The following ST7 variants were observed in gnomAD, a reference collection of about 807,000 sequenced individuals.
ST7 encodes the protein suppressor of tumorigenicity 7 protein.
Under a neutral mutation model 78.7 loss-of-function variants are expected in ST7, and 28 were observed. The ratio of observed to expected loss-of-function variants is 0.36; its 90% CI spans 0.26 to 0.49. ST7 has a LOEUF of 0.49. ST7 is among the 20% of genes least tolerant of loss of function. The pLI is 0.99. For missense variants in ST7, 418 were observed against 696.0 expected (o/e 0.60, Z 4.49); for synonymous variants, 247 against 249.6 (o/e 0.99, Z 0.10).
chr7:117,097,164 A>G (rs945314600), intron 1 of ST7, among the ~76,000 whole-genome samples: 2 of 152,164 alleles, frequency 1.3e-5, no homozygotes, highest in Non-Finnish European at 1.5e-5. Flanking sequence ...TAGGCAGTCA[A>G]CAGCAGGGCT....
intron 15 of ST7, among the ~76,000 whole-genome samples, chr7:117,224,451 A>G (rs957156739): frequency 6.6e-6 from 1 of 152,218 alleles, no homozygotes; most frequent in African/African-American, 2.4e-5. Flanking sequence ...CCAATCTCTG[A>G]GTAAAAGTAG....
At chr7:117,088,870 A>G (rs1405205778) in intron 1 of ST7, among the ~76,000 whole-genome samples, 1 of 152,182 alleles carries the variant, frequency 6.6e-6, no homozygotes, top group Non-Finnish European at 1.5e-5. Context: ...CTCTACAGTG[A>G]CACTGCACCT....
At chr7:117,199,513 T>G (rs144776100) in intron 12 of ST7, among the ~76,000 whole-genome samples, 117 of 152,286 alleles carry the variant, frequency 7.7e-4, no homozygotes, top group Middle Eastern at 3.4e-3. Context: ...TCTGCCCTAA[T>G]AGAATAACCA....
intron 1 of ST7, among the ~76,000 whole-genome samples, chr7:116,961,312 T>C (rs1371013471): frequency 6.6e-6 from 1 of 152,170 alleles, no homozygotes; most frequent in African/African-American, 2.4e-5. Flanking sequence ...ATTTTTTGGT[T>C]CCATATGAAT....
At chr7:116,956,682 C>T (rs1221787271) in intron 1 of ST7, 1 of 468,724 alleles carries the variant, frequency 2.1e-6, no homozygotes, top group African/African-American at 2.0e-5. Flanking sequence ...AATATCTTGA[C>T]CATCTGTGAC....
intron 1 of ST7, among the ~76,000 whole-genome samples, chr7:117,081,598 G>T (rs563686592): frequency 6.6e-6 from 1 of 152,214 alleles, no homozygotes; most frequent in East Asian, 1.9e-4. Context: ...CACCTGAAAT[G>T]AAACCAGTAC....
chr7:117,036,515 A>G (rs1447014536), intron 1 of ST7, among the ~76,000 whole-genome samples: 1 of 152,192 alleles, frequency 6.6e-6, no homozygotes, highest in Non-Finnish European at 1.5e-5. Flanking sequence ...GACAGTAGGA[A>G]TAAGCCTGGG....
At chr7:117,113,087 T>A (rs1348555267) in intron 2 of ST7, among the ~76,000 whole-genome samples, 1 of 152,208 alleles carries the variant, frequency 6.6e-6, no homozygotes, top group Non-Finnish European at 1.5e-5. Context: ...CATTTTGGCT[T>A]TTTCAGCTTG....
chr7:117,195,272 C>T (rs987604136), intron 12 of ST7, among the ~76,000 whole-genome samples: 4 of 152,088 alleles, frequency 2.6e-5, no homozygotes, highest in African/African-American at 9.7e-5. Flanking sequence ...AAAAGGTTAT[C>T]CTCCAACTTA....
At chr7:116,988,656 G>A (rs79165840) in intron 1 of ST7, among the ~76,000 whole-genome samples, 1,802 of 152,190 alleles carry the variant, frequency 0.012, 18 homozygotes, top group Non-Finnish European at 0.017. Context: ...TGAAATAATT[G>A]AAGGTAGTGA....
chr7:117,175,309 A>G (rs1188515674), intron 10 of ST7, among the ~76,000 whole-genome samples: 7 of 152,362 alleles, frequency 4.6e-5, no homozygotes, highest in Non-Finnish European at 8.8e-5. Flanking sequence ...CAAGCTTTGG[A>G]TTGCCTTTCA....
intron 1 of ST7, among the ~76,000 whole-genome samples, chr7:117,085,450 GC>G (rs1205298658): frequency 6.6e-6 from 1 of 152,144 alleles, no homozygotes; most frequent in East Asian, 1.9e-4. Flanking sequence ...GTAATGACAT[GC>G]CTCTCTGCTT....
At chr7:117,111,051 C>T (rs1802389798) in intron 2 of ST7, among the ~76,000 whole-genome samples, 1 of 152,174 alleles carries the variant, frequency 6.6e-6, no homozygotes, top group South Asian at 2.1e-4. Flanking sequence ...ACAGTGTGTA[C>T]AGCTTTAGGC....
chr7:116,995,818 C>T (rs11982484), intron 1 of ST7, among the ~76,000 whole-genome samples: 1 of 152,120 alleles, frequency 6.6e-6, no homozygotes, highest in African/African-American at 2.4e-5. Context: ...AAGTTGAAAA[C>T]GTCAATTTTT....
intron 1 of ST7, among the ~76,000 whole-genome samples, chr7:117,014,205 C>A (rs908930578): frequency 1.3e-5 from 2 of 152,162 alleles, no homozygotes; most frequent in African/African-American, 4.8e-5. Context: ...TATGTTTCGT[C>A]TTTTGGCAAG....
At chr7:117,051,968 T>C (rs1354050261) in intron 1 of ST7, among the ~76,000 whole-genome samples, 2 of 152,208 alleles carry the variant, frequency 1.3e-5, no homozygotes, top group East Asian at 3.9e-4. Flanking sequence ...CATGTTTTTA[T>C]TCCCATTCTC....
chr7:117,110,377 T>C (rs911622241), intron 2 of ST7, among the ~76,000 whole-genome samples: 11 of 152,348 alleles, frequency 7.2e-5, no homozygotes, highest in Admixed American at 3.9e-4. Context: ...ACTTAGATGA[T>C]GCCAGGCACT....
chr7:117,194,179 A>G (rs1019481898), intron 12 of ST7, among the ~76,000 whole-genome samples: 1 of 152,218 alleles, frequency 6.6e-6, no homozygotes, highest in African/African-American at 2.4e-5. Context: ...AAGCAAACAC[A>G]TAGGCTCATC....
Position 117,181,657 on chromosome 7 carries a change from A to C in ST7, c.1079-7664A>C, listed in dbSNP as rs1028329697. Among the ~76,000 whole-genome samples the C allele has an allele frequency of 6.6e-5, 10 of 152,334 alleles. No individual in the cohort carries two copies. The East Asian group carries it at 1.9e-3, about 29-fold the overall frequency. On this transcript the variant is annotated intron_variant, in intron 10 of 15. Coordinates refer to ENST00000323984, the MANE Select transcript of ST7 (RefSeq NM_001369598.1). Reference sequence around the variant, plus strand: ...TTAGTATTTTTTACTTTTTAAAAGAATGTATCAAGTCAATCCCAAGCAAAT... The same window carrying C: ...TTAGTATTTTTTACTTTTTAAAAGACTGTATCAAGTCAATCCCAAGCAAAT...
Sources: allele counts gnomAD v4.1 joint callset (sites outside exome capture counted in the v4.1 genomes callset), GRCh38; gene constraint gnomAD v4.1.1; transcripts MANE v1.5; gene names NCBI Gene and HGNC (gene_info 2026-07-23, HGNC 2026-07-21).